The following RARS2 variants were observed in gnomAD, a reference collection of about 807,000 sequenced individuals.
RARS2 encodes the protein arginyl-tRNA synthetase 2, mitochondrial.
A neutral mutation model predicts 88.5 loss-of-function variants in RARS2; 67 were observed. The observed-to-expected ratio is 0.76, with a 90% CI of 0.62 to 0.93. The LOEUF (loss-of-function observed/expected upper bound fraction) is 0.93. Among genes scored for constraint, RARS2 ranks in the 40% least tolerant of loss-of-function variants. RARS2 has a pLI of 0.00. For missense variants in RARS2, 664 were observed against 684.2 expected (o/e 0.97, Z 0.33); for synonymous variants, 239 against 230.3 (o/e 1.04, Z -0.34).
chr6:87,529,638 A>T lies in RARS2; in HGVS notation c.782T>A (p.Val261Glu), dbSNP rs774075596. Residue 261 changes from valine (V) to glutamate (E), a missense_variant, in exon 10 of 20, where the codon GTA becomes GAA. Physicochemically the swap from Val to Glu is moderately radical, Grantham distance 121 (BLOSUM62 -2). Coordinates refer to ENST00000369536, the MANE Select transcript of RARS2 (RefSeq NM_020320.5). ...EYIRVYKRLGVYFDEYSGESF... is the reference protein window; with the variant it reads ...EYIRVYKRLGEYFDEYSGESF... Reference sequence around the variant, plus strand: ...TTCTCCTGAATATTCATCAAAATATACTCCCAGACGCTAAAAGAGTTCAGA... The same window carrying T: ...TTCTCCTGAATATTCATCAAAATATTCTCCCAGACGCTAAAAGAGTTCAGA... The T allele has an allele frequency of 6.3e-7, 1 of 1,599,906 alleles. No homozygotes were observed.
chr6:87,519,011 TA>T (rs1772794459), intron 14 of RARS2, 120 bp from the exon 15 acceptor site: 1 of 979,436 alleles, frequency 1.0e-6, no homozygotes, highest in African/African-American at 1.6e-5. Context: ...TCAGAATGAG[TA>T]ATTACTTGCC....
chr6:87,552,212 G>C (rs908588912), intron 5 of RARS2, among the ~76,000 whole-genome samples: 1 of 152,100 alleles, frequency 6.6e-6, no homozygotes, highest in Non-Finnish European at 1.5e-5. Flanking sequence ...GGTATCTCTT[G>C]TTTTCTGGGG....
intron 5 of RARS2, among the ~76,000 whole-genome samples, chr6:87,552,818 A>G (rs1432620648): frequency 6.6e-6 from 1 of 152,166 alleles, no homozygotes; most frequent in East Asian, 1.9e-4. Context: ...AGGAAACTTT[A>G]TAATGGCATT....
At position 87,528,255 on chromosome 6, in the gene RARS2, A is replaced by G. The variant is rs1011673982; in HGVS notation, c.878+1287T>C. On this transcript the variant is annotated intron_variant, in intron 10 of 19. Coordinates refer to ENST00000369536, the MANE Select transcript of RARS2 (RefSeq NM_020320.5). ...TGGCTTTTATAACAAAAAAAAAAAA[A>G]AAAAAGATAAATGTTGGCAATGATG... Among the ~76,000 whole-genome samples, 9 of 152,232 alleles carry G rather than the reference A, an allele frequency of 5.9e-5. No individual in the cohort carries two copies. The South Asian group carries it at 1.9e-3, about 32-fold the overall frequency.
At chr6:87,582,897 A>G (rs560818378) in intron 1 of RARS2, among the ~76,000 whole-genome samples, 1 of 152,368 alleles carries the variant, frequency 6.6e-6, no homozygotes, top group African/African-American at 2.4e-5. Flanking sequence ...ATGTAAGTTA[A>G]TAACGAGAGC....
intron 1 of RARS2, among the ~76,000 whole-genome samples, chr6:87,588,785 T>C (rs1301859258): frequency 6.6e-6 from 1 of 152,158 alleles, no homozygotes; most frequent in African/African-American, 2.4e-5. Context: ...CCAACCCTAA[T>C]CAAGCCATCT....
rs1409360332 is a variant in RARS2 at position 87,529,594 on chromosome 6, A to T, written c.826T>A (p.Ser276Thr). Residue 276 changes from serine (S) to threonine (T), a missense_variant, in exon 10 of 20, where the codon TCT (serine) becomes ACT (threonine). Transcript: ENST00000369536. ...YSGESFYREK[S>T]QEVLKLLESK... ...TCCAGCAACTTTAAGACCTCTTGAG[A>T]TTTTTCACGATAAAATGATTCTCCT... 1.2e-6 allele frequency: 2 copies of T among 1,610,040 alleles called. No individual in the cohort carries two copies. The highest frequency in any genetic ancestry group is 2.2e-5 in the South Asian group (2 of 90,982).
At chr6:87,588,584 A>G (rs1233293657) in intron 1 of RARS2, among the ~76,000 whole-genome samples, 1 of 152,136 alleles carries the variant, frequency 6.6e-6, no homozygotes, top group Non-Finnish European at 1.5e-5. Context: ...TATGTTGTCC[A>G]CGCTGGTCTC....
Position 87,582,011 on chromosome 6 carries a change from G to T in RARS2, c.36+7911C>A, listed in dbSNP as rs914503316. On this transcript the variant is annotated intron_variant, in intron 1 of 19. Transcript: ENST00000369536. The stretch of plus-strand genomic sequence containing the variant: ...TTTCTTTATCCAGTCTATCATTGAT[G>T]GGCATTTGGGTTGATTCCATGTCTT... 4.3e-4 allele frequency among the ~76,000 whole-genome samples: 65 copies of T among 152,174 alleles called. 1 individual carries two copies. Among genetic ancestry groups the T allele is most frequent in the African/African-American group, 1.6e-3 (65 of 41,502 alleles).
intron 5 of RARS2, among the ~76,000 whole-genome samples, chr6:87,551,156 G>C (rs1206065446): frequency 6.6e-6 from 1 of 152,100 alleles, no homozygotes; most frequent in Non-Finnish European, 1.5e-5. Flanking sequence ...TCAACAATTT[G>C]CTTCTCTCTG....
chr6:87,583,815 T>A (rs1331938056), intron 1 of RARS2, among the ~76,000 whole-genome samples: 1 of 152,168 alleles, frequency 6.6e-6, no homozygotes, highest in Admixed American at 6.5e-5. Flanking sequence ...TGACCTTAGG[T>A]TATTCCTTTC....
chr6:87,554,986 C>A (rs796122553), intron 5 of RARS2, among the ~76,000 whole-genome samples: 1 of 151,954 alleles, frequency 6.6e-6, no homozygotes, highest in African/African-American at 2.4e-5. Flanking sequence ...CGCCTGTAGT[C>A]CCAGCTACTC....
chr6:87,566,896 C>T (rs1212916920), intron 2 of RARS2, among the ~76,000 whole-genome samples: 5 of 146,646 alleles, frequency 3.4e-5, no homozygotes, highest in South Asian at 2.2e-4. Flanking sequence ...AAGCAGACGG[C>T]GTGTAAAAGA....
intron 10 of RARS2, among the ~76,000 whole-genome samples, chr6:87,528,895 C>A (rs1033241738): frequency 6.6e-6 from 1 of 152,078 alleles, no homozygotes; most frequent in Non-Finnish European, 1.5e-5. Flanking sequence ...TAGGTAAGTA[C>A]GTAAGGTGAT....
rs1208828752 is a variant in RARS2 at position 87,536,160 on chromosome 6, A to G, written c.613-5218T>C. 1.1e-4 allele frequency among the ~76,000 whole-genome samples: 10 copies of G among 91,218 alleles called. No homozygotes were observed. In the Admixed American group the frequency reaches 1.3e-3, roughly 12 times the overall value. The allele number at this position is 91,218 out of a possible 152,430, so 59.8% of individuals were successfully genotyped here. Reference sequence around the variant, plus strand: ...AAGTTCTATTAATAAAACCTTCTATAGCAAAAAAAAAGGTTAATATGCTTA... The same window carrying G: ...AAGTTCTATTAATAAAACCTTCTATGGCAAAAAAAAAGGTTAATATGCTTA... On this transcript the variant is annotated intron_variant, in intron 8 of 19. Transcript: ENST00000369536.
At chr6:87,565,057 CA>C (rs1287365127) in intron 2 of RARS2, among the ~76,000 whole-genome samples, 1 of 152,114 alleles carries the variant, frequency 6.6e-6, no homozygotes, top group Non-Finnish European at 1.5e-5. Flanking sequence ...GACCTAGTCT[CA>C]AAAAATTCTT....
chr6:87,555,695 G>A (rs1785649974), intron 4 of RARS2, among the ~76,000 whole-genome samples, 190 bp from the exon 5 acceptor site: 1 of 152,182 alleles, frequency 6.6e-6, no homozygotes, highest in South Asian at 2.1e-4. Flanking sequence ...AGTAACATGA[G>A]TTAACATTTA....
Position 87,519,633 on chromosome 6 carries a change from A to G in RARS2, c.1187T>C (p.Val396Ala), listed in dbSNP as rs558423048. ...CATCCTTAATTGAATCTCATTTAAA[A>G]CATCTTCCAGGAAAGTGACATCTCC... ...RRGDVTFLEDVLNEIQLRMLQ... is the reference protein window; with the variant it reads ...RRGDVTFLEDALNEIQLRMLQ... The change falls in exon 14 of 20, where the codon GTT becomes GCT. Residue 396 changes from valine to alanine, a missense_variant. Coordinates refer to ENST00000369536, the MANE Select transcript of RARS2 (RefSeq NM_020320.5). The G allele has an allele frequency of 5.0e-6, 8 of 1,612,714 alleles. No individual in the cohort carries two copies. In the East Asian group the frequency reaches 1.6e-4, roughly 31 times the overall value.
chr6:87,581,681 G>A (rs1223089073), intron 1 of RARS2, among the ~76,000 whole-genome samples: 1 of 152,112 alleles, frequency 6.6e-6, no homozygotes, highest in Non-Finnish European at 1.5e-5. Context: ...GTGGTTTGCT[G>A]CACCTATCAA....
Sources: gnomAD v4.1 joint callset for allele counts (sites outside exome capture counted in the v4.1 genomes callset) on GRCh38, gnomAD v4.1.1 for gene constraint, MANE v1.5 for transcripts, NCBI Gene and HGNC (gene_info 2026-07-23, HGNC 2026-07-21) for gene names.